TMEM38B: variants seen among roughly 807,000 people sequenced by gnomAD.
TMEM38B encodes transmembrane protein 38B.
In TMEM38B, 24 loss-of-function variants were observed where a neutral mutation model predicts 28.7. That is an observed-to-expected ratio of 0.84 (90% CI 0.61 to 1.18). The LOEUF (loss-of-function observed/expected upper bound fraction) is 1.18. TMEM38B is among the 50% of genes most tolerant of loss of function. The pLI is 0.00. For synonymous variants in TMEM38B, 131 were observed against 127.7 expected (o/e 1.03, Z -0.17); for missense variants, 380 against 350.9 (o/e 1.08, Z -0.66).
chr9:105,706,510 A>G (rs1835673997), intron 2 of TMEM38B, among the ~76,000 whole-genome samples: 3 of 152,262 alleles, frequency 2.0e-5, no homozygotes, highest in African/African-American at 7.2e-5. Context: ...AAGTGGGCTC[A>G]TAAGAGCAAA....
intron 5 of TMEM38B, among the ~76,000 whole-genome samples, chr9:105,765,174 A>T (rs10124492): frequency 0.21 from 31,786 of 151,996 alleles, 5,155 homozygotes; most frequent in East Asian, 0.46. Flanking sequence ...TTGTTTATAG[A>T]TTTGTAAAAT....
chr9:105,769,790 C>A (rs1429170426), intron 5 of TMEM38B, among the ~76,000 whole-genome samples: 1 of 152,066 alleles, frequency 6.6e-6, no homozygotes, highest in African/African-American at 2.4e-5. Flanking sequence ...TTGTTTATTG[C>A]AATTTATAAG....
At chr9:105,745,359 C>CT (rs1837349479) in intron 4 of TMEM38B, among the ~76,000 whole-genome samples, 1 of 152,072 alleles carries the variant, frequency 6.6e-6, no homozygotes, top group Non-Finnish European at 1.5e-5. Context: ...ATTTTTTCAT[C>CT]TGTCTGTTGG....
intron 5 of TMEM38B, chr9:105,759,552 C>G (rs1329671169): frequency 1.3e-6 from 2 of 1,559,096 alleles, no homozygotes; most frequent in African/African-American, 2.7e-5. Context: ...ATGATCTGTC[C>G]TCTAATAGCA....
chr9:105,770,117 T>C (rs1826497824), intron 5 of TMEM38B, among the ~76,000 whole-genome samples: 2 of 152,174 alleles, frequency 1.3e-5, no homozygotes, highest in Admixed American at 6.5e-5. Flanking sequence ...ATTGATGTAT[T>C]GAATAAGATG....
At chr9:105,745,904 T>G (rs2133614047) in intron 4 of TMEM38B, among the ~76,000 whole-genome samples, 1 of 152,312 alleles carries the variant, frequency 6.6e-6, no homozygotes, top group Non-Finnish European at 1.5e-5. Flanking sequence ...TGTGTGGTAT[T>G]ATTTCTGAGG....
chr9:105,705,235 A>G lies in TMEM38B; in HGVS notation c.113-362A>G, dbSNP rs529864800. Among the ~76,000 whole-genome samples, 4 of 152,268 alleles carry G rather than the reference A, an allele frequency of 2.6e-5. 1 individual carries two copies. In the South Asian group the frequency reaches 6.2e-4, roughly 24 times the overall value. ...TACTTAAGATTGTAAATTTTTCTTA[A>G]TAAATCACTTTGACATATTGTCTGG... On this transcript the variant is annotated intron_variant, in intron 1 of 5. Coordinates refer to ENST00000374692, the MANE Select transcript of TMEM38B (RefSeq NM_018112.3).
intron 3 of TMEM38B, 110 bp from the exon 4 acceptor site, chr9:105,722,424 T>G: frequency 1.1e-6 from 1 of 894,004 alleles, no homozygotes; most frequent in Non-Finnish European, 1.8e-6. Context: ...GAATTATATT[T>G]TGGGAATCCT....
intron 4 of TMEM38B, among the ~76,000 whole-genome samples, chr9:105,735,658 A>C (rs2175122): frequency 0.23 from 35,517 of 152,124 alleles, 6,800 homozygotes; most frequent in African/African-American, 0.51. Context: ...AACTAATGAT[A>C]TAATGGAGAT....
At chr9:105,764,236 AT>A (rs1345878285) in intron 5 of TMEM38B, among the ~76,000 whole-genome samples, 2 of 152,310 alleles carry the variant, frequency 1.3e-5, no homozygotes, top group South Asian at 2.1e-4. Flanking sequence ...GGCTAGGGCA[AT>A]TAAGCAGGAG....
At chr9:105,734,793 A>G (rs1360142046) in intron 4 of TMEM38B, among the ~76,000 whole-genome samples, 1 of 150,036 alleles carries the variant, frequency 6.7e-6, no homozygotes, top group African/African-American at 2.4e-5. Context: ...TATGTTTTTC[A>G]TTCATTTACT....
chr9:105,748,488 T>G (rs1837517855), intron 5 of TMEM38B, among the ~76,000 whole-genome samples: 1 of 151,478 alleles, frequency 6.6e-6, no homozygotes, highest in Non-Finnish European at 1.5e-5. Context: ...AAGATGATAC[T>G]GTCTCATTTG....
At chr9:105,762,334 G>A (rs1838086728) in intron 5 of TMEM38B, among the ~76,000 whole-genome samples, 1 of 150,832 alleles carries the variant, frequency 6.6e-6, no homozygotes, top group African/African-American at 2.4e-5. Flanking sequence ...GTATACATGT[G>A]CCATGCTGGT....
chr9:105,758,012 C>A (rs1043263673), intron 5 of TMEM38B, among the ~76,000 whole-genome samples: 1 of 152,234 alleles, frequency 6.6e-6, no homozygotes. Flanking sequence ...CGGGGCACAA[C>A]TTTATCAGAA....
At chr9:105,747,581 T>G (rs1837464477) in intron 4 of TMEM38B, among the ~76,000 whole-genome samples, 1 of 152,188 alleles carries the variant, frequency 6.6e-6, no homozygotes, top group Non-Finnish European at 1.5e-5. Context: ...TCTCCTTCAG[T>G]TCTGCTTTGA....
chr9:105,732,852 A>T (rs1249655617), intron 4 of TMEM38B, among the ~76,000 whole-genome samples: 20 of 152,204 alleles, frequency 1.3e-4, no homozygotes. Flanking sequence ...GGAGAAAGTC[A>T]TTGGTAGGTT....
In TMEM38B at chr9:105,726,638, A is replaced by G. The variant is rs527430518; in HGVS notation, c.542+4017A>G. On this transcript the variant is annotated intron_variant, in intron 4 of 5. Coordinates refer to ENST00000374692, the MANE Select transcript of TMEM38B (RefSeq NM_018112.3). ...TACAGTTCACTTAAAAAATAAATAA[A>G]TAAATAATAGAAAGAGGCCAGCTGC... Among the ~76,000 whole-genome samples, 22 of 152,224 alleles carry G rather than the reference A, an allele frequency of 1.4e-4. No individual in the cohort carries two copies. The South Asian group carries it at 4.4e-3, about 30-fold the overall frequency.
intron 1 of TMEM38B, among the ~76,000 whole-genome samples, chr9:105,696,377 C>G (rs2133539596): frequency 6.6e-6 from 1 of 152,232 alleles, no homozygotes; most frequent in African/African-American, 2.4e-5. Flanking sequence ...CAACCTGTGC[C>G]TCCTGGGTTT....
At chr9:105,741,967 G>T (rs1234416499) in intron 4 of TMEM38B, among the ~76,000 whole-genome samples, 1 of 152,226 alleles carries the variant, frequency 6.6e-6, no homozygotes, top group Non-Finnish European at 1.5e-5. Context: ...GCCAGGGATA[G>T]AGAGGAGGTT....
Sources: gnomAD v4.1 joint callset for allele counts (sites outside exome capture counted in the v4.1 genomes callset) on GRCh38, gnomAD v4.1.1 for gene constraint, MANE v1.5 for transcripts, NCBI Gene and HGNC (gene_info 2026-07-23, HGNC 2026-07-21) for gene names.